SLC44A5: variants seen among roughly 807,000 people sequenced by gnomAD.
SLC44A5 encodes the protein choline transporter-like protein 5.
SLC44A5 carries 57 observed loss-of-function variants against 101.8 expected under a neutral mutation model. That is an observed-to-expected ratio of 0.56 (90% CI 0.45 to 0.70). The LOEUF (loss-of-function observed/expected upper bound fraction) is 0.70, where lower values mean the gene tolerates loss of function less well. Ranked by LOEUF, SLC44A5 falls within the 30% of genes least tolerant of loss-of-function variation. The pLI is 0.00. For missense variants in SLC44A5, 737 were observed against 853.1 expected (o/e 0.86, Z 1.70); for synonymous variants, 281 against 290.9 (o/e 0.97, Z 0.35).
chr1:75,254,117 C>G (rs1195681314), intron 6 of SLC44A5, among the ~76,000 whole-genome samples: 1 of 151,882 alleles, frequency 6.6e-6, no homozygotes, highest in African/African-American at 2.4e-5. Context: ...CTGCTCACTG[C>G]GACCTCTGCC....
At chr1:75,636,062 C>A in the SLC44A5 span, among the ~76,000 whole-genome samples, 3 of 152,014 alleles carry the variant, frequency 2.0e-5, no homozygotes, top group South Asian at 4.1e-4. Context: ...TGCACCCCTG[C>A]CACACCCACC....
At position 75,219,865 on chromosome 1, in the gene SLC44A5, T is replaced by A. The variant is rs1435709201; in HGVS notation, c.1113A>T (p.Leu371Phe). Residue 371 changes from leucine (L) to phenylalanine (F), a missense_variant, in exon 15 of 24, where the codon TTA (leucine) becomes TTT (phenylalanine). Physicochemically the swap from Leu to Phe is conservative, Grantham distance 22 (BLOSUM62 0). Coordinates refer to ENST00000370859, the MANE Select transcript of SLC44A5 (RefSeq NM_001130058.2). ...SKAIGYVPST[L>F]VYPALTFILL... ...AAATGAAAGTTAAAGCTGGATAGAC[T>A]AATGTACTAGGAACATATCCAATGG... is the stretch of plus-strand genomic sequence containing the variant. 1 of 1,611,616 alleles carries A rather than the reference T, an allele frequency of 6.2e-7. No individual in the cohort carries two copies.
chr1:75,635,973 G>A, the SLC44A5 span, among the ~76,000 whole-genome samples: 6 of 151,838 alleles, frequency 4.0e-5, no homozygotes, highest in East Asian at 1.9e-4. Context: ...TTCATAGATC[G>A]TGTAATTGTA....
intron 4 of SLC44A5, among the ~76,000 whole-genome samples, chr1:75,338,277 G>A (rs553944039): frequency 1.3e-5 from 2 of 150,134 alleles, no homozygotes; most frequent in African/African-American, 2.4e-5. Flanking sequence ...TGAACTACAC[G>A]GTTCCGTCAT....
chr1:75,539,235 C>T (rs1383533962), intron 2 of SLC44A5, among the ~76,000 whole-genome samples: 1 of 152,192 alleles, frequency 6.6e-6, no homozygotes, highest in Non-Finnish European at 1.5e-5. Context: ...ATCAAAATTT[C>T]ATTTGTACCT....
intron 2 of SLC44A5, among the ~76,000 whole-genome samples, chr1:75,504,473 T>A (rs1669138970): frequency 6.6e-6 from 1 of 152,072 alleles, no homozygotes. Flanking sequence ...ATAAAAAACA[T>A]TAAAAATTGC....
At chr1:75,318,883 AT>A (rs1297235211) in intron 4 of SLC44A5, among the ~76,000 whole-genome samples, 1 of 152,182 alleles carries the variant, frequency 6.6e-6, no homozygotes, top group African/African-American at 2.4e-5. Context: ...CAACACCAGT[AT>A]TTAAAGTTAA....
At chr1:75,266,212 T>C (rs2100711621) in intron 6 of SLC44A5, among the ~76,000 whole-genome samples, 1 of 152,204 alleles carries the variant, frequency 6.6e-6, no homozygotes, top group South Asian at 2.1e-4. Context: ...ATTGCTTAAA[T>C]ACATCATGAC....
intron 23 of SLC44A5, among the ~76,000 whole-genome samples, chr1:75,209,362 T>G (rs1405311): frequency 0.23 from 35,387 of 152,110 alleles, 4,448 homozygotes; most frequent in Middle Eastern, 0.35. Context: ...TGATTTCCAG[T>G]TATTGCTCCC....
chr1:75,696,658 G>A, the SLC44A5 span, among the ~76,000 whole-genome samples: 1 of 152,146 alleles, frequency 6.6e-6, no homozygotes, highest in Admixed American at 6.5e-5. Flanking sequence ...CACTTTGGGA[G>A]GCCGAGGCGG....
At chr1:75,619,218 A>G in the SLC44A5 span, among the ~76,000 whole-genome samples, 1 of 148,736 alleles carries the variant, frequency 6.7e-6, no homozygotes, top group African/African-American at 2.5e-5. Flanking sequence ...GAAGAAAGGG[A>G]CGGAGAGCAG....
At chr1:75,302,104 G>GTTTTTTTTTTTTATTTTT (rs1204998592) in intron 4 of SLC44A5, among the ~76,000 whole-genome samples, 1 of 49,590 alleles carries the variant, frequency 2.0e-5, no homozygotes, top group Non-Finnish European at 3.4e-5. Flanking sequence ...AGGTGCTCTA[G>GTTTTTTTTTTTTATTTTT]TTTTTTTGTT....
chr1:75,595,361 C>G (rs1243186428), intron 1 of SLC44A5, among the ~76,000 whole-genome samples: 1 of 151,902 alleles, frequency 6.6e-6, no homozygotes, highest in Non-Finnish European at 1.5e-5. Flanking sequence ...CAAAGCATAC[C>G]AGATTTCAAT....
the SLC44A5 span, among the ~76,000 whole-genome samples, chr1:75,655,039 T>C: frequency 6.6e-6 from 1 of 152,164 alleles, no homozygotes. Flanking sequence ...ATCCCTCTAA[T>C]AAAGATTAAT....
At chr1:75,594,653 G>C (rs778925026) in intron 1 of SLC44A5, among the ~76,000 whole-genome samples, 30 of 151,896 alleles carry the variant, frequency 2.0e-4, no homozygotes, top group Admixed American at 1.4e-3. Flanking sequence ...TTATAAATAA[G>C]AAAATTAATA....
At chr1:75,311,290 T>C (rs942353606) in intron 4 of SLC44A5, among the ~76,000 whole-genome samples, 1 of 152,126 alleles carries the variant, frequency 6.6e-6, no homozygotes, top group Non-Finnish European at 1.5e-5. Flanking sequence ...CTAATTTTTG[T>C]ATTTTTAGTA....
chr1:75,591,464 T>C (rs758085929), intron 1 of SLC44A5, among the ~76,000 whole-genome samples: 9 of 152,194 alleles, frequency 5.9e-5, no homozygotes, highest in South Asian at 2.1e-4. Flanking sequence ...ACCTAGTATT[T>C]TGTTAATAAT....
intron 1 of SLC44A5, among the ~76,000 whole-genome samples, chr1:75,566,936 G>C (rs901986347): frequency 1.3e-5 from 2 of 152,210 alleles, no homozygotes; most frequent in Non-Finnish European, 2.9e-5. Context: ...GATCAGAACT[G>C]TAAGTGGAAA....
At chr1:75,466,513 G>A (rs1666825785) in intron 2 of SLC44A5, among the ~76,000 whole-genome samples, 1 of 151,984 alleles carries the variant, frequency 6.6e-6, no homozygotes, top group Non-Finnish European at 1.5e-5. Flanking sequence ...AAAGTTAGCT[G>A]GGCGTGGTGG....
Sources: allele counts gnomAD v4.1 joint callset (sites outside exome capture counted in the v4.1 genomes callset), GRCh38; gene constraint gnomAD v4.1.1; transcripts MANE v1.5; gene names NCBI Gene and HGNC (gene_info 2026-07-23, HGNC 2026-07-21).